Variants in PRKCE observed in about 807,000 individuals in gnomAD.
The protein encoded by PRKCE is protein kinase C epsilon.
Under a neutral mutation model 85.4 loss-of-function variants are expected in PRKCE, and 16 were observed. The observed-to-expected ratio is 0.19, with a 90% CI of 0.13 to 0.28. The LOEUF (loss-of-function observed/expected upper bound fraction) is 0.28, where lower values mean the gene tolerates loss of function less well. PRKCE is among the 10% of genes least tolerant of loss of function. The probability of loss-of-function intolerance (pLI) is 1.00; values close to 1 mark genes in which losing one functional copy is unlikely to be tolerated. For synonymous variants in PRKCE, 388 were observed against 371.5 expected (o/e 1.04, Z -0.51); for missense variants, 573 against 975.2 (o/e 0.59, Z 5.49).
In PRKCE at chr2:45,953,497, C is replaced by T. The variant is rs140873516; in HGVS notation, c.413-22932C>T. Reference sequence around the variant, plus strand: ...CTCCCTTTCCCCTCCTCTGGAACACCTCTCCTGGAATACCCAACCGTGGGC... The same window carrying T: ...CTCCCTTTCCCCTCCTCTGGAACACTTCTCCTGGAATACCCAACCGTGGGC... On this transcript the variant is annotated intron_variant, in intron 2 of 14. Transcript: ENST00000306156. 3.4e-4 allele frequency among the ~76,000 whole-genome samples: 52 copies of T among 152,316 alleles called. No individual in the cohort carries two copies. In the South Asian group the frequency reaches 5.4e-3, roughly 16 times the overall value.
intron 1 of PRKCE, among the ~76,000 whole-genome samples, chr2:45,780,880 G>C (rs759851182): frequency 2.0e-5 from 3 of 152,166 alleles, no homozygotes; most frequent in Non-Finnish European, 4.4e-5. Flanking sequence ...TTCTCAGCTA[G>C]CTCATCCCGT....
intron 12 of PRKCE, among the ~76,000 whole-genome samples, chr2:46,146,360 C>T (rs768852760): frequency 5.9e-5 from 9 of 152,262 alleles, no homozygotes; most frequent in African/African-American, 1.9e-4. Flanking sequence ...TGTTTGAGCA[C>T]GTGCTAGGCA....
chr2:45,928,433 A>G (rs1350636171), intron 2 of PRKCE, among the ~76,000 whole-genome samples: 1 of 151,924 alleles, frequency 6.6e-6, no homozygotes, highest in African/African-American at 2.4e-5. Context: ...ATGCCCAGCT[A>G]ATTTTTTGTA....
intron 1 of PRKCE, among the ~76,000 whole-genome samples, chr2:45,686,736 T>C (rs1677327794): frequency 3.9e-5 from 6 of 152,164 alleles, no homozygotes; most frequent in Admixed American, 2.0e-4. Context: ...ATTTAAACTA[T>C]ATTTAAGTAG....
At chr2:45,769,297 C>G (rs143894344) in intron 1 of PRKCE, among the ~76,000 whole-genome samples, 2 of 152,132 alleles carry the variant, frequency 1.3e-5, no homozygotes, top group Admixed American at 1.3e-4. Context: ...TCTCCTTCCT[C>G]CCCATGGATA....
In PRKCE at chr2:45,888,465, C is replaced by CTTTTTTTTTT. The variant is rs34871432; in HGVS notation, c.412+45417_412+45426dup. Among the ~76,000 whole-genome samples, 10 of 74,760 alleles carry CTTTTTTTTTT rather than the reference C, an allele frequency of 1.3e-4. 1 individual carries two copies. Among genetic ancestry groups the CTTTTTTTTTT allele is most frequent in the Admixed American group, 1.9e-4 (1 of 5,262 alleles). 49.0% of individuals were successfully genotyped at this position (74,760 alleles called of 152,430 possible). A position where few individuals can be genotyped will look rare whatever the true frequency, so the allele number is the denominator to read the frequency against. On this transcript the variant is annotated intron_variant, in intron 2 of 14. Coordinates refer to ENST00000306156, the MANE Select transcript of PRKCE (RefSeq NM_005400.3). ...TGCAGAAGTAGTATTTCCCAACAGT[C>CTTTTTTTTTT]TTTTTTTTTTTTTTTTTTTTTTTTG...
rs1174306440 is a variant in PRKCE, at chr2:46,041,041, A to G, written c.1437+30524A>G. ...AAATAAATCATTCCGTTTGCCTGTCATATTCTGACTTTTTGAAAATCATTT... is the reference window on the plus strand; with the variant it reads ...AAATAAATCATTCCGTTTGCCTGTCGTATTCTGACTTTTTGAAAATCATTT... On this transcript the variant is annotated intron_variant, in intron 10 of 14. Transcript: ENST00000306156. The surrounding 1 kb of genome is among the most constrained non-coding windows in gnomAD (Gnocchi z 5.5). Among the ~76,000 whole-genome samples the G allele has an allele frequency of 1.3e-5, 2 of 152,230 alleles. No individual in the cohort carries two copies. The highest frequency in any genetic ancestry group is 2.9e-5 in the Non-Finnish European group (2 of 68,034).
At chr2:46,014,926 A>G (rs1705999358) in intron 10 of PRKCE, among the ~76,000 whole-genome samples, 2 of 152,228 alleles carry the variant, frequency 1.3e-5, no homozygotes, top group African/African-American at 4.8e-5. Context: ...AACCAATGCT[A>G]TCTCCTACTT....
intron 2 of PRKCE, among the ~76,000 whole-genome samples, chr2:45,885,151 AGCTAGTG>A (rs2105839048): frequency 6.6e-6 from 1 of 152,046 alleles, no homozygotes; most frequent in African/African-American, 2.4e-5. Flanking sequence ...TGTTGAAAGC[AGCTAGTG>A]GCTCAGAGCT....
At chr2:46,050,862 A>T (rs1228179261) in intron 10 of PRKCE, among the ~76,000 whole-genome samples, 1 of 152,178 alleles carries the variant, frequency 6.6e-6, no homozygotes, top group Non-Finnish European at 1.5e-5. Flanking sequence ...AAAAGAAATC[A>T]TGGTCTTTCT....
chr2:45,918,771 G>A (rs530900043), intron 2 of PRKCE, among the ~76,000 whole-genome samples: 4 of 152,260 alleles, frequency 2.6e-5, no homozygotes, highest in African/African-American at 9.6e-5. Context: ...AGGTTGGCGA[G>A]GGGGGGAATG....
intron 10 of PRKCE, among the ~76,000 whole-genome samples, chr2:46,034,538 C>T (rs974775368): frequency 6.6e-6 from 1 of 152,206 alleles, no homozygotes; most frequent in Non-Finnish European, 1.5e-5. Context: ...TCAAGCAACA[C>T]CAGAATTGGC....
chr2:45,801,811 T>C (rs1365834006), intron 1 of PRKCE, among the ~76,000 whole-genome samples: 1 of 152,162 alleles, frequency 6.6e-6, no homozygotes, highest in Non-Finnish European at 1.5e-5. Flanking sequence ...GCTGTGGGTG[T>C]GGCCTGAGGA....
chr2:46,062,613 C>G (rs932751081), intron 10 of PRKCE, among the ~76,000 whole-genome samples: 5 of 151,256 alleles, frequency 3.3e-5, no homozygotes, highest in African/African-American at 1.2e-4. Flanking sequence ...CAACCCTCCC[C>G]CACTTCACCC....
At chr2:46,060,744 C>CTTTTTTTTTTTT (rs112560158) in intron 10 of PRKCE, among the ~76,000 whole-genome samples, 24 of 140,116 alleles carry the variant, frequency 1.7e-4, no homozygotes, top group African/African-American at 4.5e-4. Context: ...TTTCTCTCTC[C>CTTTTTTTTTTTT]TTTTTTTTTT....
At chr2:46,149,743 T>TTA (rs923989749) in intron 12 of PRKCE, among the ~76,000 whole-genome samples, 3 of 87,756 alleles carry the variant, frequency 3.4e-5, no homozygotes, top group East Asian at 4.1e-4. Context: ...ATATATGTAT[T>TTA]TATATATATA....
intron 10 of PRKCE, among the ~76,000 whole-genome samples, chr2:46,012,785 G>A (rs56350372): frequency 0.61 from 93,396 of 152,070 alleles, 28,878 homozygotes; most frequent in Middle Eastern, 0.74. Context: ...TCCTTTGTGC[G>A]TTGTAGAATA....
At chr2:46,047,368 A>T (rs2105040932) in intron 10 of PRKCE, among the ~76,000 whole-genome samples, 1 of 152,332 alleles carries the variant, frequency 6.6e-6, no homozygotes, top group South Asian at 2.1e-4. Flanking sequence ...TGGTGATGAA[A>T]GTCTTCTTTT....
intron 11 of PRKCE, among the ~76,000 whole-genome samples, chr2:46,135,650 T>A (rs534711625): frequency 6.6e-6 from 1 of 151,380 alleles, no homozygotes; most frequent in South Asian, 2.1e-4. Context: ...TCCCTGGAGA[T>A]TGGCCCAGAA....
Sources: allele counts gnomAD v4.1 joint callset (sites outside exome capture counted in the v4.1 genomes callset), GRCh38; gene constraint gnomAD v4.1.1; non-coding constraint Gnocchi (gnomAD v3.1); transcripts MANE v1.5; gene names NCBI Gene and HGNC (gene_info 2026-07-23, HGNC 2026-07-21).